MAPKAPK5: variants seen among roughly 807,000 people sequenced by gnomAD.
The protein encoded by MAPKAPK5 is MAP kinase-activated protein kinase 5.
MAPKAPK5 carries 30 observed loss-of-function variants against 65.1 expected under a neutral mutation model. The ratio of observed to expected loss-of-function variants is 0.46; its 90% CI spans 0.34 to 0.63. The LOEUF is 0.63. Among genes scored for constraint, MAPKAPK5 ranks in the 20% least tolerant of loss-of-function variants. The pLI is 0.01. For synonymous variants in MAPKAPK5, 179 were observed against 204.6 expected, an observed-to-expected ratio of 0.87 and a Z score of 1.07; for missense variants, 433 against 581.4, an observed-to-expected ratio of 0.74 and a Z score of 2.63.
chr12:111,874,776 T>C (rs1315895448), intron 7 of MAPKAPK5, among the ~76,000 whole-genome samples: 1 of 94,710 alleles, frequency 1.1e-5, no homozygotes, highest in African/African-American at 4.7e-5. Context: ...CTAGTGACTT[T>C]TTTTTTTTTT....
At chr12:111,865,149 T>C in intron 1 of MAPKAPK5, 101 bp from the exon 2 acceptor site, 1 of 686,694 alleles carries the variant, frequency 1.5e-6, no homozygotes, top group Non-Finnish European at 2.6e-6. Flanking sequence ...TCTTAGAAGA[T>C]GAGCTGTTGA....
chr12:111,868,168 T>A (rs1380943133), intron 4 of MAPKAPK5, among the ~76,000 whole-genome samples: 1 of 152,212 alleles, frequency 6.6e-6, no homozygotes, highest in African/African-American at 2.4e-5. Context: ...TACCAAATGT[T>A]TGGCAAGCAT....
chr12:111,865,803 T>C (rs374957329), intron 2 of MAPKAPK5, among the ~76,000 whole-genome samples: 2 of 124,174 alleles, frequency 1.6e-5, no homozygotes, highest in African/African-American at 6.4e-5. Context: ...GCCACTGCAC[T>C]CCAGCCTGGC....
intron 7 of MAPKAPK5, among the ~76,000 whole-genome samples, chr12:111,876,128 A>C (rs2069955472): frequency 6.7e-6 from 1 of 148,404 alleles, no homozygotes; most frequent in Non-Finnish European, 1.5e-5. Flanking sequence ...AATTGCTTGA[A>C]CCTAGGAGGT....
Position 111,868,821 on chromosome 12 carries a change from G to A in MAPKAPK5, c.353G>A (p.Arg118Gln), listed in dbSNP as rs532582869. ...GELFHRISQH[R>Q]HFTEKQASQV... ...CTATTTCACAGAATCAGCCAGCACC[G>A]GCACTTTACAGAGAAGCAAGCCAGC... The change falls in exon 5 of 14, where the codon CGG becomes CAG. Residue 118 changes from arginine to glutamine, a missense_variant. Around this residue, in one of 3 missense-constraint regions of MAPKAPK5, gnomAD observed 165 missense variants for 180.0 expected, o/e 0.92. Coordinates refer to ENST00000550735, the MANE Select transcript of MAPKAPK5 (RefSeq NM_003668.4). 234 of 1,567,058 alleles carry A rather than the reference G, an allele frequency of 1.5e-4. No homozygotes were observed. Among genetic ancestry groups the A allele is most frequent in the Non-Finnish European group, 2.0e-4 (227 of 1,156,060 alleles).
intron 1 of MAPKAPK5, chr12:111,843,133 A>G (rs960675507): frequency 5.0e-6 from 2 of 398,540 alleles, no homozygotes; most frequent in Non-Finnish European, 8.8e-6. Context: ...GATGGTCTAC[A>G]GAACTTGGAG....
intron 12 of MAPKAPK5, 38 bp downstream of exon 12, chr12:111,889,038 G>C: frequency 6.5e-7 from 1 of 1,550,150 alleles, no homozygotes; most frequent in South Asian, 1.2e-5. Flanking sequence ...CTGTGTGTCT[G>C]TGAGTGTGTG....
At chr12:111,850,572 C>T (rs544164325) in intron 1 of MAPKAPK5, among the ~76,000 whole-genome samples, 22 of 152,282 alleles carry the variant, frequency 1.4e-4, no homozygotes, top group African/African-American at 3.1e-4. Flanking sequence ...CAAGAGGCGG[C>T]AAACAAGTTC....
chr12:111,854,096 G>C (rs930112006), intron 1 of MAPKAPK5, among the ~76,000 whole-genome samples: 1 of 152,074 alleles, frequency 6.6e-6, no homozygotes, highest in Non-Finnish European at 1.5e-5. Context: ...CTATATTCAT[G>C]ATAGATACTT....
At chr12:111,844,683 G>T (rs1477008817) in intron 1 of MAPKAPK5, among the ~76,000 whole-genome samples, 5 of 152,202 alleles carry the variant, frequency 3.3e-5, no homozygotes, top group African/African-American at 1.2e-4. Flanking sequence ...TAGAGGGTGG[G>T]GTTACTGCTA....
At chr12:111,871,765 T>C (rs535399605) in intron 7 of MAPKAPK5, among the ~76,000 whole-genome samples, 154 of 152,318 alleles carry the variant, frequency 1.0e-3, no homozygotes, top group Non-Finnish European at 1.8e-3. Context: ...ATATACCCCA[T>C]ATGGCGACCA....
At chr12:111,846,350 C>G (rs1473156638) in intron 1 of MAPKAPK5, among the ~76,000 whole-genome samples, 1 of 152,230 alleles carries the variant, frequency 6.6e-6, no homozygotes, top group Non-Finnish European at 1.5e-5. Context: ...TGCTGCCAGA[C>G]TACCTGAGAG....
Position 111,842,629 on chromosome 12 carries a change from C to A in MAPKAPK5, c.-105C>A. On this transcript the variant is annotated 5_prime_UTR_variant, in exon 1 of 14. Transcript: ENST00000550735. ...GAGGGGCGGCTGCTGCCCGTCGCCA[C>A]GAGGCCCAGGGGCCCGAGTGCCGAG... The A allele has an allele frequency of 2.5e-6, 2 of 787,110 alleles. No individual in the cohort carries two copies. The highest frequency in any genetic ancestry group is 3.5e-6 in the Non-Finnish European group (2 of 565,918). 48.8% of individuals were successfully genotyped at this position (787,110 alleles called of 1,614,324 possible).
In MAPKAPK5 at chr12:111,883,871, C is replaced by T; in HGVS notation, c.848+103C>T. On this transcript the variant is annotated intron_variant, in intron 9 of 13. Transcript: ENST00000550735. The surrounding 1 kb of genome is among the most constrained non-coding windows in gnomAD (Gnocchi z 4.8). ...AAGTCACTGGTTTCCTAGGCAGGCT[C>T]CTCCCCGTTTTAATATCACAGAAAT... The T allele has an allele frequency of 1.7e-6, 2 of 1,187,664 alleles. No homozygotes were observed. Among genetic ancestry groups the T allele is most frequent in the African/African-American group, 1.5e-5 (1 of 65,224 alleles). The allele number at this position is 1,187,664 out of a possible 1,614,324, so 73.6% of individuals were successfully genotyped here.
Position 111,900,222 on chromosome 12 carries a change from G to GC in MAPKAPK5, c.*7164dup, listed in dbSNP as rs775766460. The stretch of plus-strand genomic sequence containing the variant: ...CTTCCATCGTGCAAAACACGATGTT[G>GC]CCCACATGATCGTTGGGCATCACCC... On this transcript the variant is annotated 3_prime_UTR_variant, in exon 14 of 14. Transcript: ENST00000550735. 4 of 455,828 alleles carry GC rather than the reference G, an allele frequency of 8.8e-6. No individual in the cohort carries two copies. Among genetic ancestry groups the GC allele is most frequent in the African/African-American group, 8.0e-5 (4 of 50,008 alleles). The allele number at this position is 455,828 out of a possible 1,614,324, so 28.2% of individuals were successfully genotyped here.
At chr12:111,856,134 C>T (rs546709199) in intron 1 of MAPKAPK5, among the ~76,000 whole-genome samples, 12 of 151,986 alleles carry the variant, frequency 7.9e-5, no homozygotes, top group African/African-American at 2.9e-4. Context: ...GGATTACAGG[C>T]GTGAGCCACT....
At chr12:111,887,118 G>A (rs2070430799) in intron 10 of MAPKAPK5, among the ~76,000 whole-genome samples, 1 of 152,142 alleles carries the variant, frequency 6.6e-6, no homozygotes, top group South Asian at 2.1e-4. Context: ...ACCATAGTGT[G>A]GCTGTGAGCT....
intron 1 of MAPKAPK5, among the ~76,000 whole-genome samples, chr12:111,846,952 G>T (rs780663479): frequency 2.6e-5 from 4 of 152,112 alleles, no homozygotes; most frequent in Non-Finnish European, 5.9e-5. Flanking sequence ...CAAACAGTAT[G>T]TATAGGGCTC....
intron 1 of MAPKAPK5, among the ~76,000 whole-genome samples, chr12:111,853,433 A>G (rs944433489): frequency 5.3e-5 from 8 of 151,852 alleles, no homozygotes; most frequent in Admixed American, 5.2e-4. Context: ...TCACTAGTGT[A>G]TGGAAATACA....
Sources: gnomAD v4.1 joint callset for allele counts (sites outside exome capture counted in the v4.1 genomes callset) on GRCh38, gnomAD v4.1.1 for gene constraint, gnomAD v4.1.1 regional missense constraint, Gnocchi (gnomAD v3.1) non-coding constraint, MANE v1.5 for transcripts, NCBI Gene and HGNC (gene_info 2026-07-23, HGNC 2026-07-21) for gene names.